ANK2: variants seen among roughly 807,000 people sequenced by gnomAD.
ANK2 encodes the protein ankyrin-2.
A neutral mutation model predicts 360.5 loss-of-function variants in ANK2; 83 were observed. The ratio of observed to expected loss-of-function variants is 0.23; its 90% CI spans 0.19 to 0.28. The LOEUF (loss-of-function observed/expected upper bound fraction) is 0.28. Among genes scored for constraint, ANK2 ranks in the 10% least tolerant of loss-of-function variants. The pLI, the probability that ANK2 is intolerant of heterozygous loss-of-function variation, is 1.00. For synonymous variants in ANK2, 1,740 were observed against 1,759.5 expected (o/e 0.99, Z 0.28); for missense variants, 4,201 against 4,795.7 (o/e 0.88, Z 3.66).
At chr4:112,975,848 G>C (rs902650862) in intron 2 of ANK2, among the ~76,000 whole-genome samples, 2 of 152,078 alleles carry the variant, frequency 1.3e-5, no homozygotes, top group Non-Finnish European at 2.9e-5. Context: ...CCTTTTAAGG[G>C]AATTTTTTAA....
chr4:112,772,249 G>A, the ANK2 span, among the ~76,000 whole-genome samples: 1 of 152,188 alleles, frequency 6.6e-6, no homozygotes, highest in African/African-American at 2.4e-5. Context: ...GTCTTACATG[G>A]TGGCAGACAA....
intron 1 of ANK2, among the ~76,000 whole-genome samples, chr4:113,119,367 T>C (rs1263014358): frequency 6.6e-6 from 1 of 152,040 alleles, no homozygotes; most frequent in Non-Finnish European, 1.5e-5. Flanking sequence ...ATTTTCTAGA[T>C]AGACAGTCCC....
chr4:113,373,696 T>C (rs2096826353), intron 45 of ANK2: 1 of 663,032 alleles, frequency 1.5e-6, no homozygotes, highest in African/African-American at 1.8e-5. Context: ...CTATTCTTTA[T>C]TTAATTCATG....
At chr4:112,893,457 C>T (rs114977695) in intron 1 of ANK2, among the ~76,000 whole-genome samples, 1,727 of 152,242 alleles carry the variant, frequency 0.011, 32 homozygotes, top group African/African-American at 0.039. Flanking sequence ...GCCACCACAC[C>T]CAGCTAGCAC....
chr4:112,806,673 TA>T, the ANK2 span, among the ~76,000 whole-genome samples: 4 of 151,038 alleles, frequency 2.6e-5, no homozygotes, highest in Admixed American at 6.6e-5. Context: ...CTACAAAAAA[TA>T]AAAAAAATAG....
chr4:112,905,044 A>G (rs1169038807), intron 2 of ANK2, among the ~76,000 whole-genome samples: 1 of 152,210 alleles, frequency 6.6e-6, no homozygotes, highest in Non-Finnish European at 1.5e-5. Context: ...AGAAGGAAAT[A>G]TTAGACTTAA....
intron 1 of ANK2, among the ~76,000 whole-genome samples, chr4:112,826,028 T>G (rs576317356): frequency 6.6e-6 from 1 of 152,340 alleles, no homozygotes; most frequent in East Asian, 1.9e-4. Flanking sequence ...GTAACTTTTC[T>G]GCTTCTACTG....
chr4:112,713,148 A>T, the ANK2 span, among the ~76,000 whole-genome samples: 1 of 152,208 alleles, frequency 6.6e-6, no homozygotes, highest in Non-Finnish European at 1.5e-5. Flanking sequence ...CAATCAGCAT[A>T]GTGCCTGTAA....
intron 4 of ANK2, among the ~76,000 whole-genome samples, chr4:113,226,086 TAAGATCATATTAATACTTGTA>T (rs936831303): frequency 2.6e-5 from 4 of 152,236 alleles, no homozygotes; most frequent in Non-Finnish European, 5.9e-5. Context: ...TTTAAAATAC[TAAGATCATATTAATACTTGTA>T]ATTCTCACTT....
chr4:113,228,428 A>G (rs904802272), intron 4 of ANK2, among the ~76,000 whole-genome samples: 2 of 152,168 alleles, frequency 1.3e-5, no homozygotes, highest in African/African-American at 4.8e-5. Flanking sequence ...GAGTGAGAAC[A>G]TACGATGTTT....
intron 9 of ANK2, among the ~76,000 whole-genome samples, chr4:113,249,238 G>A (rs970374110): frequency 1.3e-5 from 2 of 152,144 alleles, no homozygotes; most frequent in African/African-American, 4.8e-5. Flanking sequence ...ACTTTTGCAA[G>A]CATTAGGAAG....
intron 41 of ANK2, among the ~76,000 whole-genome samples, chr4:113,366,987 A>G (rs1224949487): frequency 6.6e-6 from 1 of 152,142 alleles, no homozygotes; most frequent in East Asian, 1.9e-4. Context: ...ACATCTTTCA[A>G]TGACTCCTCA....
chr4:112,932,889 A>C (rs2093393353), intron 2 of ANK2, among the ~76,000 whole-genome samples: 1 of 152,120 alleles, frequency 6.6e-6, no homozygotes, highest in African/African-American at 2.4e-5. Context: ...GATCCACCAA[A>C]ATCAACTCCC....
intron 2 of ANK2, among the ~76,000 whole-genome samples, chr4:112,981,114 G>C (rs1158431365): frequency 6.6e-6 from 1 of 151,790 alleles, no homozygotes; most frequent in East Asian, 1.9e-4. Context: ...GGAAGGAGTT[G>C]TAAGGAAGAG....
chr4:112,726,755 G>C, the ANK2 span, among the ~76,000 whole-genome samples: 2 of 150,856 alleles, frequency 1.3e-5, no homozygotes, highest in African/African-American at 4.9e-5. Context: ...GGAGGCTGAG[G>C]CAGGAGAATG....
chr4:113,261,576 AT>A (rs1376250589), intron 13 of ANK2, among the ~76,000 whole-genome samples: 1 of 152,322 alleles, frequency 6.6e-6, no homozygotes, highest in South Asian at 2.1e-4. Context: ...ATTCTTATAT[AT>A]AAACAATGGT....
the ANK2 span, among the ~76,000 whole-genome samples, chr4:112,773,973 G>A: frequency 6.6e-6 from 1 of 151,650 alleles, no homozygotes; most frequent in East Asian, 2.0e-4. Flanking sequence ...GCTAATTTTT[G>A]TATTTTTAGT....
chr4:113,194,643 C>T (rs1170191925), intron 2 of ANK2, among the ~76,000 whole-genome samples: 1 of 151,962 alleles, frequency 6.6e-6, no homozygotes, highest in Admixed American at 6.6e-5. Flanking sequence ...ATATTTTTAG[C>T]CATTTTAATG....
chr4:113,018,559 GGTAT>G (rs66527063), intron 2 of ANK2, among the ~76,000 whole-genome samples: 20,743 of 152,098 alleles, frequency 0.14, 1,781 homozygotes, highest in East Asian at 0.38. Context: ...TGCCAAATAT[GGTAT>G]GTGAGATGAC....
Sources: allele counts gnomAD v4.1 joint callset (sites outside exome capture counted in the v4.1 genomes callset), GRCh38; gene constraint gnomAD v4.1.1; transcripts MANE v1.5; gene names NCBI Gene and HGNC (gene_info 2026-07-23, HGNC 2026-07-21).